Variants in PAK5 observed in about 807,000 individuals in gnomAD.
PAK5 encodes p21 (RAC1) activated kinase 5.
Under a neutral mutation model 65.9 loss-of-function variants are expected in PAK5, and 16 were observed. The ratio of observed to expected loss-of-function variants is 0.24; its 90% CI spans 0.16 to 0.37. PAK5 has a LOEUF of 0.37. PAK5 is among the 10% of genes least tolerant of loss of function. PAK5 has a pLI of 1.00. For missense variants in PAK5, 785 were observed against 903.9 expected (o/e 0.87, Z 1.69); for synonymous variants, 371 against 354.9 (o/e 1.05, Z -0.51).
At chr20:9,666,697 A>C (rs6039541) in intron 2 of PAK5, among the ~76,000 whole-genome samples, 15 of 152,306 alleles carry the variant, frequency 9.8e-5, no homozygotes, top group African/African-American at 3.6e-4. Context: ...AACAAAACAA[A>C]AAAACAAATA....
intron 2 of PAK5, among the ~76,000 whole-genome samples, chr20:9,669,298 T>C (rs2423403): frequency 0.049 from 7,446 of 152,282 alleles, 216 homozygotes; most frequent in South Asian, 0.089. Context: ...TTATTTCTTA[T>C]ATACTTATCT....
At chr20:9,554,196 A>G (rs2045472979) in intron 7 of PAK5, among the ~76,000 whole-genome samples, 2 of 152,158 alleles carry the variant, frequency 1.3e-5, no homozygotes, top group African/African-American at 4.8e-5. Context: ...ATATGACTTA[A>G]TTTTTCTCAC....
intron 4 of PAK5, among the ~76,000 whole-genome samples, chr20:9,574,804 A>G (rs1430821696): frequency 6.6e-6 from 1 of 152,206 alleles, no homozygotes; most frequent in African/African-American, 2.4e-5. Context: ...AAGAAAACAA[A>G]TCTAAATATA....
At chr20:9,835,305 AG>A (rs2123795223) in intron 1 of PAK5, among the ~76,000 whole-genome samples, 2 of 152,356 alleles carry the variant, frequency 1.3e-5, no homozygotes, top group South Asian at 4.1e-4. Context: ...TAAAAGTGAA[AG>A]GATGATGAGA....
chr20:9,795,553 T>C (rs2049095290), intron 1 of PAK5, among the ~76,000 whole-genome samples: 1 of 152,148 alleles, frequency 6.6e-6, no homozygotes, highest in Non-Finnish European at 1.5e-5. Context: ...GATCTCACTA[T>C]ATGTGCAGCT....
intron 1 of PAK5, among the ~76,000 whole-genome samples, chr20:9,734,621 G>A (rs2048369793): frequency 6.6e-6 from 1 of 151,444 alleles, no homozygotes; most frequent in Non-Finnish European, 1.5e-5. Flanking sequence ...CCCAGGACCT[G>A]CTAATAATTC....
intron 1 of PAK5, among the ~76,000 whole-genome samples, chr20:9,834,879 G>T (rs1462325117): frequency 6.6e-6 from 1 of 151,996 alleles, no homozygotes; most frequent in Non-Finnish European, 1.5e-5. Context: ...TCTTCCAAGG[G>T]TGTAGCATGG....
intron 1 of PAK5, among the ~76,000 whole-genome samples, chr20:9,794,306 C>A (rs2049082246): frequency 6.6e-6 from 1 of 151,922 alleles, no homozygotes; most frequent in Admixed American, 6.6e-5. Flanking sequence ...AACAAACCTG[C>A]ACATTCTGCA....
chr20:9,644,753 T>G (rs549761678), intron 2 of PAK5, among the ~76,000 whole-genome samples: 10 of 152,178 alleles, frequency 6.6e-5, no homozygotes, highest in African/African-American at 2.2e-4. Flanking sequence ...GAAGGAGAGA[T>G]GCATGAGGGC....
At chr20:9,707,428 A>G (rs141748769) in intron 2 of PAK5, among the ~76,000 whole-genome samples, 24 of 152,152 alleles carry the variant, frequency 1.6e-4, no homozygotes, top group African/African-American at 5.3e-4. Flanking sequence ...TTCTCTTCCA[A>G]TCTTATTTGG....
At chr20:9,827,778 T>A (rs903125577) in intron 1 of PAK5, among the ~76,000 whole-genome samples, 2 of 151,946 alleles carry the variant, frequency 1.3e-5, no homozygotes, top group Non-Finnish European at 2.9e-5. Context: ...GGAGTGGCAG[T>A]GGAGACAGGG....
intron 2 of PAK5, among the ~76,000 whole-genome samples, chr20:9,661,594 A>T (rs1478500413): frequency 2.0e-5 from 3 of 152,142 alleles, no homozygotes; most frequent in Non-Finnish European, 4.4e-5. Flanking sequence ...TTGCCCCTCA[A>T]TAGAATTATT....
At chr20:9,696,081 C>T (rs2047865270) in intron 2 of PAK5, among the ~76,000 whole-genome samples, 2 of 152,070 alleles carry the variant, frequency 1.3e-5, no homozygotes. Flanking sequence ...TCAATAGCTC[C>T]ATGTGGCCAG....
intron 4 of PAK5, among the ~76,000 whole-genome samples, chr20:9,575,317 G>A (rs554609190): frequency 6.6e-6 from 1 of 152,222 alleles, no homozygotes; most frequent in Non-Finnish European, 1.5e-5. Context: ...GGCCTCCCCA[G>A]TAGCTAGGGC....
At chr20:9,671,784 T>G (rs2047502078) in intron 2 of PAK5, among the ~76,000 whole-genome samples, 1 of 152,002 alleles carries the variant, frequency 6.6e-6, no homozygotes, top group Non-Finnish European at 1.5e-5. Context: ...CCTGCCTGAT[T>G]GCCCTGGCCA....
intron 1 of PAK5, among the ~76,000 whole-genome samples, chr20:9,749,100 T>C (rs1002806662): frequency 2.6e-5 from 4 of 152,162 alleles, no homozygotes; most frequent in African/African-American, 9.7e-5. Flanking sequence ...ATGAATAATA[T>C]GAAAGCAATT....
At chr20:9,835,602 G>A (rs1979085977) in intron 1 of PAK5, among the ~76,000 whole-genome samples, 2 of 152,110 alleles carry the variant, frequency 1.3e-5, no homozygotes, top group African/African-American at 2.4e-5. Flanking sequence ...AAGGAACCAG[G>A]GGTCTTGTTA....
intron 1 of PAK5, among the ~76,000 whole-genome samples, chr20:9,770,971 T>C (rs1382873467): frequency 6.6e-6 from 1 of 152,032 alleles, no homozygotes; most frequent in Non-Finnish European, 1.5e-5. Flanking sequence ...CAAGAAAGAT[T>C]AGAAAAGGAC....
At chr20:9,734,614 A>G (rs953040228) in intron 1 of PAK5, among the ~76,000 whole-genome samples, 7 of 151,714 alleles carry the variant, frequency 4.6e-5, no homozygotes, top group Non-Finnish European at 1.0e-4. Context: ...GAAAAACCCC[A>G]GGACCTGCTA....
Sources: gnomAD v4.1 joint callset for allele counts (sites outside exome capture counted in the v4.1 genomes callset) on GRCh38, gnomAD v4.1.1 for gene constraint, MANE v1.5 for transcripts, NCBI Gene and HGNC (gene_info 2026-07-23, HGNC 2026-07-21) for gene names.